RALYL: variants seen among roughly 807,000 people sequenced by gnomAD.
RALYL encodes the protein RALY RNA binding protein like.
In RALYL, 29 loss-of-function variants were observed where a neutral mutation model predicts 35.1. That is an observed-to-expected ratio of 0.83 (90% CI 0.61 to 1.13). The LOEUF is 1.13. Among genes scored for constraint, RALYL ranks in the 50% most tolerant of loss-of-function variants. The pLI, the probability that RALYL is intolerant of heterozygous loss-of-function variation, is 0.00. For missense variants in RALYL, 359 were observed against 360.4 expected (o/e 1.00, Z 0.03); for synonymous variants, 120 against 127.6 (o/e 0.94, Z 0.40).
intron 8 of RALYL, among the ~76,000 whole-genome samples, chr8:84,910,384 G>A (rs925893550): frequency 6.6e-6 from 1 of 152,008 alleles, no homozygotes; most frequent in African/African-American, 2.4e-5. Flanking sequence ...GATGTTAAAT[G>A]CTTAAAATAC....
At chr8:84,341,242 A>G (rs933450058) in intron 1 of RALYL, among the ~76,000 whole-genome samples, 2 of 150,870 alleles carry the variant, frequency 1.3e-5, no homozygotes, top group African/African-American at 2.5e-5. Flanking sequence ...TGGTTTGCCA[A>G]TGAGAGACTA....
chr8:84,416,996 C>A (rs552149040), intron 1 of RALYL, among the ~76,000 whole-genome samples: 12 of 150,984 alleles, frequency 7.9e-5, no homozygotes, highest in Non-Finnish European at 1.2e-4. Context: ...TCCTTTTTTC[C>A]TTCCTTTTCT....
At chr8:84,611,194 AT>A (rs1166351457) in intron 2 of RALYL, among the ~76,000 whole-genome samples, 1 of 152,104 alleles carries the variant, frequency 6.6e-6, no homozygotes, top group Non-Finnish European at 1.5e-5. Flanking sequence ...CATTTTGGAA[AT>A]TTTTTATTCA....
chr8:84,596,570 A>G (rs1814588401), intron 2 of RALYL, among the ~76,000 whole-genome samples: 1 of 152,064 alleles, frequency 6.6e-6, no homozygotes, highest in South Asian at 2.1e-4. Context: ...TAGCTGTTTG[A>G]TTGCTTCTGG....
intron 1 of RALYL, among the ~76,000 whole-genome samples, chr8:84,222,251 A>C (rs559638968): frequency 6.6e-6 from 1 of 152,278 alleles, no homozygotes; most frequent in South Asian, 2.1e-4. Flanking sequence ...ATATAGACTA[A>C]TAGTTTATCC....
rs1397025209 is a variant in RALYL, at chr8:84,873,283, G to A, written c.572-1G>A. Reference sequence around the variant, plus strand: ...TTTTCTTCCTTCTTTCTACTTTCCAGTGAAATCAGATGAGTTACAGACCAT... The same window carrying A: ...TTTTCTTCCTTCTTTCTACTTTCCAATGAAATCAGATGAGTTACAGACCAT... On this transcript the variant is annotated splice_acceptor_variant, in intron 6 of 8. Coordinates refer to ENST00000521268, the MANE Select transcript of RALYL (RefSeq NM_173848.7). LOFTEE classifies it high-confidence loss of function. 1 of 1,541,330 alleles carries A rather than the reference G, an allele frequency of 6.5e-7. No individual in the cohort carries two copies. The highest frequency in any genetic ancestry group is 8.9e-7 in the Non-Finnish European group (1 of 1,127,098).
chr8:84,353,010 G>A (rs764087659), intron 1 of RALYL, among the ~76,000 whole-genome samples: 15 of 150,156 alleles, frequency 1.0e-4, no homozygotes, highest in Non-Finnish European at 8.9e-5. Flanking sequence ...ACCCCTAGAC[G>A]TTTCCAGGAC....
intron 1 of RALYL, among the ~76,000 whole-genome samples, chr8:84,269,093 A>G (rs1024170851): frequency 1.3e-5 from 2 of 152,168 alleles, no homozygotes; most frequent in African/African-American, 2.4e-5. Flanking sequence ...GCTTCTTTTC[A>G]GGTAATGAGC....
intron 1 of RALYL, among the ~76,000 whole-genome samples, chr8:84,393,724 T>TATAATATAATTTA: frequency 6.6e-6 from 1 of 152,200 alleles, no homozygotes; most frequent in African/African-American, 2.4e-5. Context: ...AGACTTCTCT[T>TATAATATAATTTA]GCTTAAGTTG....
chr8:84,459,322 C>T (rs2050482297), intron 1 of RALYL, among the ~76,000 whole-genome samples: 1 of 151,594 alleles, frequency 6.6e-6, no homozygotes, highest in African/African-American at 2.4e-5. Flanking sequence ...AACTAGGAGG[C>T]ATAACAAGGC....
At position 84,759,161 on chromosome 8, in the gene RALYL, T is replaced by C. The variant is rs140647309; in HGVS notation, c.257-15418T>C. ...AAAGACACTTCTGATTACATGTGAATGTACCCAGATTATCCAGGTAAATCT... is the reference window on the plus strand; with the variant it reads ...AAAGACACTTCTGATTACATGTGAACGTACCCAGATTATCCAGGTAAATCT... On this transcript the variant is annotated intron_variant, in intron 2 of 8. Coordinates refer to ENST00000521268, the MANE Select transcript of RALYL (RefSeq NM_173848.7). Among the ~76,000 whole-genome samples, 455 of 152,308 alleles carry C rather than the reference T, an allele frequency of 3.0e-3. 1 individual carries two copies. Among genetic ancestry groups the C allele is most frequent in the Middle Eastern group, 6.8e-3 (2 of 294 alleles).
At chr8:84,909,644 G>A (rs1057057210) in intron 8 of RALYL, among the ~76,000 whole-genome samples, 2 of 152,100 alleles carry the variant, frequency 1.3e-5, no homozygotes, top group African/African-American at 4.8e-5. Context: ...AGCCAAATAT[G>A]AAGACTTACG....
chr8:84,741,289 A>G (rs1283803115), intron 2 of RALYL, among the ~76,000 whole-genome samples: 2 of 152,024 alleles, frequency 1.3e-5, no homozygotes, highest in Admixed American at 6.6e-5. Flanking sequence ...GTCACTGCTC[A>G]TCACTCCATT....
At chr8:84,667,360 TC>T (rs1475107425) in intron 2 of RALYL, among the ~76,000 whole-genome samples, 1 of 152,070 alleles carries the variant, frequency 6.6e-6, no homozygotes, top group Non-Finnish European at 1.5e-5. Context: ...TTATTTTCAT[TC>T]CCTAAATCCA....
chr8:84,555,684 T>G (rs1458072105), intron 2 of RALYL, among the ~76,000 whole-genome samples: 1 of 152,224 alleles, frequency 6.6e-6, no homozygotes, highest in Non-Finnish European at 1.5e-5. Flanking sequence ...TGGAATTATA[T>G]TTAGCTTCTA....
chr8:84,418,989 C>T (rs1436144609), intron 1 of RALYL, among the ~76,000 whole-genome samples: 1 of 152,090 alleles, frequency 6.6e-6, no homozygotes, highest in Non-Finnish European at 1.5e-5. Flanking sequence ...CCAACTGCAG[C>T]CTAGTTCTCT....
At chr8:84,579,196 CTTG>C (rs1278519512) in intron 2 of RALYL, among the ~76,000 whole-genome samples, 1 of 152,204 alleles carries the variant, frequency 6.6e-6, no homozygotes, top group African/African-American at 2.4e-5. Context: ...AGGAGGCAGT[CTTG>C]TTGGCACCAC....
At chr8:84,644,844 C>G (rs141461007) in intron 2 of RALYL, among the ~76,000 whole-genome samples, 10 of 151,904 alleles carry the variant, frequency 6.6e-5, no homozygotes, top group Middle Eastern at 3.4e-3. Context: ...CTCCACCTCA[C>G]AGGTTCAAGC....
chr8:84,531,129 A>G (rs1276470955), intron 2 of RALYL, among the ~76,000 whole-genome samples: 1 of 152,172 alleles, frequency 6.6e-6, no homozygotes, highest in Non-Finnish European at 1.5e-5. Context: ...ACATAGTTCA[A>G]TTTATAATCT....
Sources: gnomAD v4.1 joint callset for allele counts (sites outside exome capture counted in the v4.1 genomes callset) on GRCh38, gnomAD v4.1.1 for gene constraint, MANE v1.5 for transcripts, NCBI Gene and HGNC (gene_info 2026-07-23, HGNC 2026-07-21) for gene names.